RB1CC1: variants seen among roughly 807,000 people sequenced by gnomAD.
RB1CC1 encodes RB1 inducible coiled-coil 1, also known as RB1-inducible coiled-coil protein 1.
RB1CC1 carries 46 observed loss-of-function variants against 177.5 expected under a neutral mutation model. The observed-to-expected ratio is 0.26, with a 90% CI of 0.20 to 0.33. RB1CC1 has a LOEUF of 0.33. Among genes scored for constraint, RB1CC1 ranks in the 10% least tolerant of loss-of-function variants. The pLI, the probability that RB1CC1 is intolerant of heterozygous loss-of-function variation, is 1.00. For synonymous variants in RB1CC1, 666 were observed against 613.6 expected (o/e 1.09, Z -1.26); for missense variants, 1,703 against 1,816.3 (o/e 0.94, Z 1.13).
chr8:52,697,117 C>T (rs1855486149), intron 1 of RB1CC1, among the ~76,000 whole-genome samples: 1 of 152,018 alleles, frequency 6.6e-6, no homozygotes, highest in Non-Finnish European at 1.5e-5. Context: ...TTCTTGCCAC[C>T]CCAGACCACC....
intron 22 of RB1CC1, among the ~76,000 whole-genome samples, chr8:52,626,071 T>C (rs1848368361): frequency 1.3e-5 from 2 of 152,246 alleles, no homozygotes; most frequent in South Asian, 2.1e-4. Flanking sequence ...TCACAGCCAA[T>C]TACTAACATC....
chr8:52,653,203 T>C (rs1156899731), intron 15 of RB1CC1, among the ~76,000 whole-genome samples: 1 of 152,182 alleles, frequency 6.6e-6, no homozygotes, highest in Non-Finnish European at 1.5e-5. Context: ...TACCAAGGCT[T>C]TGCAAAATAC....
At chr8:52,698,424 G>A (rs145483439) in intron 1 of RB1CC1, among the ~76,000 whole-genome samples, 113 of 151,314 alleles carry the variant, frequency 7.5e-4, no homozygotes, top group African/African-American at 2.6e-3. Context: ...CCAGGTTCAC[G>A]CCATTCTCTC....
At chr8:52,704,580 C>A (rs1856394932) in intron 1 of RB1CC1, among the ~76,000 whole-genome samples, 1 of 151,768 alleles carries the variant, frequency 6.6e-6, no homozygotes, top group South Asian at 2.1e-4. Flanking sequence ...CCAATGATTT[C>A]TTTTAAGAAA....
rs11994446 is a variant in RB1CC1 at position 52,680,996 on chromosome 8, T to G, written c.369+2553A>C. ...TGTGTGTGTGTGTGTGTGTGTGTGTTTTTTTTTTTTTTTGAGATGAAGTCT... is the reference window on the plus strand; with the variant it reads ...TGTGTGTGTGTGTGTGTGTGTGTGTGTTTTTTTTTTTTTGAGATGAAGTCT... On this transcript the variant is annotated intron_variant, in intron 5 of 23. Transcript: ENST00000025008. Among the ~76,000 whole-genome samples the G allele has an allele frequency of 5.7e-3, 600 of 104,878 alleles. 3 individuals carry two copies. Among genetic ancestry groups the G allele is most frequent in the Middle Eastern group, 0.018 (4 of 220 alleles). 68.8% of individuals were successfully genotyped at this position (104,878 alleles called of 152,430 possible). A position where few individuals can be genotyped will look rare whatever the true frequency, so the allele number is the denominator to read the frequency against.
intron 22 of RB1CC1, among the ~76,000 whole-genome samples, chr8:52,627,190 T>C (rs1291829105): frequency 1.3e-5 from 2 of 151,670 alleles, no homozygotes; most frequent in Non-Finnish European, 2.9e-5. Context: ...CTACTAAAAA[T>C]ACAAAAATTA....
Position 52,683,558 on chromosome 8 carries a change from C to T in RB1CC1, c.360G>A (p.Gln120=), listed in dbSNP as rs140310406. ...ATTGTTTATATCTTACCAATGCAAG[C>T]TGTGTCCTTGAAGCAACAGTATGAA... The part of the protein sequence containing the change: ...AVFHTVASRT[Q]LALEMYEVAK... Residue 120 remains glutamine, a synonymous_variant, in exon 5 of 24, where the codon CAG becomes CAA. Coordinates refer to ENST00000025008, the MANE Select transcript of RB1CC1 (RefSeq NM_014781.5). The T allele has an allele frequency of 1.1e-4, 179 of 1,585,492 alleles. No homozygotes were observed. Among genetic ancestry groups the T allele is most frequent in the Non-Finnish European group, 1.4e-4 (161 of 1,168,754 alleles).
At chr8:52,682,163 T>C (rs1366724989) in intron 5 of RB1CC1, among the ~76,000 whole-genome samples, 5 of 152,176 alleles carry the variant, frequency 3.3e-5, no homozygotes, top group Admixed American at 6.5e-5. Context: ...CCACCTCTTG[T>C]ATTAGTGAGA....
intron 1 of RB1CC1, among the ~76,000 whole-genome samples, chr8:52,708,418 G>A (rs527450508): frequency 6.6e-6 from 1 of 152,290 alleles, no homozygotes; most frequent in Non-Finnish European, 1.5e-5. Flanking sequence ...TTGGGAGGCT[G>A]AGGTGGGAGA....
intron 1 of RB1CC1, among the ~76,000 whole-genome samples, chr8:52,712,238 T>C (rs1472176582): frequency 6.6e-6 from 1 of 152,198 alleles, no homozygotes; most frequent in African/African-American, 2.4e-5. Context: ...GAAAATTTTA[T>C]CAGCCATTCT....
chr8:52,641,585 C>A (rs16918019), intron 18 of RB1CC1, among the ~76,000 whole-genome samples: 26,926 of 151,724 alleles, frequency 0.18, 3,294 homozygotes, highest in East Asian at 0.65. Flanking sequence ...GAGGGGACCA[C>A]GCTGATTCTA....
chr8:52,667,849 C>T (rs559031634), intron 8 of RB1CC1, among the ~76,000 whole-genome samples, 172 bp downstream of exon 8: 6 of 152,072 alleles, frequency 3.9e-5, no homozygotes, highest in Non-Finnish European at 8.8e-5. Context: ...ATAGGAAACT[C>T]AATCATTAAG....
chr8:52,639,778 G>A (rs960363045), intron 18 of RB1CC1, among the ~76,000 whole-genome samples: 6 of 152,072 alleles, frequency 3.9e-5, no homozygotes, highest in Non-Finnish European at 5.9e-5. Context: ...GTACTGTTTA[G>A]TTATTACTCT....
In RB1CC1 at chr8:52,642,590, A is replaced by T. The variant is rs772874886; in HGVS notation, c.4098T>A (p.Asp1366Glu). 6.2e-7 allele frequency: 1 copy of T among 1,612,834 alleles called. No individual in the cohort carries two copies. Among genetic ancestry groups the T allele is most frequent in the Non-Finnish European group, 8.5e-7 (1 of 1,179,466 alleles). Residue 1366 changes from aspartate to glutamate, a missense_variant and splice_region_variant, in exon 18 of 24, where the codon GAT becomes GAA. Physicochemically the swap from Asp to Glu is conservative, Grantham distance 45. Coordinates refer to ENST00000025008, the MANE Select transcript of RB1CC1 (RefSeq NM_014781.5). ...STMQQQERDKDLIESLSEDRA... is the reference protein window; with the variant it reads ...STMQQQERDKELIESLSEDRA... ...GATCTTCAGAAAGTGACTCTATCAA[A>T]TCTGAAGGACACCCAAATTTAAAAA...
intron 1 of RB1CC1, among the ~76,000 whole-genome samples, chr8:52,712,561 T>C (rs1857148982): frequency 1.4e-5 from 2 of 144,266 alleles, no homozygotes; most frequent in Non-Finnish European, 1.5e-5. Context: ...TGTCGTCCAA[T>C]AACAAACATA....
At chr8:52,685,735 A>G (rs1357084400) in intron 2 of RB1CC1, among the ~76,000 whole-genome samples, 2 of 152,202 alleles carry the variant, frequency 1.3e-5, no homozygotes, top group Non-Finnish European at 2.9e-5. Flanking sequence ...GAAAAGCATA[A>G]CTGTTCTGCC....
rs1848156170 is a variant in RB1CC1 at position 52,623,042 on chromosome 8, T to C, written c.*740A>G. On this transcript the variant is annotated 3_prime_UTR_variant, in exon 24 of 24. Coordinates refer to ENST00000025008, the MANE Select transcript of RB1CC1 (RefSeq NM_014781.5). The stretch of plus-strand genomic sequence containing the variant: ...TACGATTTCATCAATATGATTATTC[T>C]AGAGTCATAAAGATGTTGGGAAGGT... 1.3e-5 allele frequency: 2 copies of C among 152,260 alleles called. No individual in the cohort carries two copies. The highest frequency in any genetic ancestry group is 3.0e-5 in the Non-Finnish European group (2 of 67,762). The allele number at this position is 152,260 out of a possible 1,614,324, so 9.4% of individuals were successfully genotyped here.
At chr8:52,665,880 G>T (rs954818289) in intron 8 of RB1CC1, among the ~76,000 whole-genome samples, 5 of 152,154 alleles carry the variant, frequency 3.3e-5, no homozygotes, top group Non-Finnish European at 7.3e-5. Context: ...CTTCCCTGAA[G>T]AGCTAGAAAA....
intron 12 of RB1CC1, 123 bp downstream of exon 12, chr8:52,660,473 C>T: frequency 2.1e-6 from 2 of 952,482 alleles, no homozygotes; most frequent in East Asian, 5.3e-5. Flanking sequence ...GCCAAAAACA[C>T]TTTTATTTTG....
Sources: gnomAD v4.1 joint callset for allele counts (sites outside exome capture counted in the v4.1 genomes callset) on GRCh38, gnomAD v4.1.1 for gene constraint, MANE v1.5 for transcripts, NCBI Gene and HGNC (gene_info 2026-07-23, HGNC 2026-07-21) for gene names.